NAA35: variants seen among roughly 807,000 people sequenced by gnomAD.
The protein encoded by NAA35 is N-alpha-acetyltransferase 35, NatC auxiliary subunit, also known as MAK10 homolog, amino-acid N-acetyltransferase subunit.
In NAA35, 18 loss-of-function variants were observed where a neutral mutation model predicts 101.7. The observed-to-expected ratio is 0.18, with a 90% CI of 0.12 to 0.26. The LOEUF (loss-of-function observed/expected upper bound fraction) is 0.26. NAA35 is among the 10% of genes least tolerant of loss of function. The pLI is 1.00. For synonymous variants in NAA35, 267 were observed against 273.1 expected (o/e 0.98, Z 0.22); for missense variants, 601 against 886.8 (o/e 0.68, Z 4.09).
chr9:86,010,008 T>G (rs938627097), intron 15 of NAA35, 77 bp downstream of exon 15: 2 of 1,177,904 alleles, frequency 1.7e-6, no homozygotes, highest in Admixed American at 3.4e-5. Context: ...TGGCTCACTT[T>G]GGGAGGCTGA....
At chr9:85,986,398 G>A (rs1435487043) in intron 11 of NAA35, 5 of 469,702 alleles carry the variant, frequency 1.1e-5, no homozygotes, top group Non-Finnish European at 1.8e-5. Context: ...GTGTGTGCAG[G>A]CATGTAATTT....
At chr9:86,011,005 G>A (rs978944999) in intron 15 of NAA35, among the ~76,000 whole-genome samples, 31 of 151,768 alleles carry the variant, frequency 2.0e-4, no homozygotes, top group African/African-American at 7.2e-4. Flanking sequence ...CAGTTTGGGA[G>A]GCTGAGGCAG....
At chr9:85,992,218 A>G (rs1366271777) in intron 11 of NAA35, among the ~76,000 whole-genome samples, 2 of 151,918 alleles carry the variant, frequency 1.3e-5, no homozygotes, top group African/African-American at 4.8e-5. Context: ...AATAATAGGA[A>G]CATATCAGTT....
Position 85,941,282 on chromosome 9 carries a change from C to A in NAA35, c.-6+9C>A. On this transcript the variant is annotated intron_variant, in intron 1 of 22. Coordinates refer to ENST00000361671, the MANE Select transcript of NAA35 (RefSeq NM_024635.4). ...GACCACGGGAGAAGTAGGTAGGGAC[C>A]GCCCCTGCGTAGCCATTGAAACCCT... The A allele has an allele frequency of 4.1e-6, 4 of 985,654 alleles. No homozygotes were observed. Among genetic ancestry groups the A allele is most frequent in the Non-Finnish European group, 4.8e-6 (4 of 830,110 alleles). The allele number at this position is 985,654 out of a possible 1,614,324, so 61.1% of individuals were successfully genotyped here. A position where few individuals can be genotyped will look rare whatever the true frequency, so the allele number is the denominator to read the frequency against.
intron 13 of NAA35, 30 bp from the exon 14 acceptor site, chr9:86,007,328 C>T (rs1831688897): frequency 2.0e-6 from 3 of 1,473,118 alleles, no homozygotes; most frequent in Non-Finnish European, 2.8e-6. Flanking sequence ...GTGCGTGACA[C>T]CGTAACTAAT....
rs748377451 is a variant in NAA35 at position 86,018,365 on chromosome 9, C to G, written c.1884C>G (p.Thr628=). 3 of 1,613,362 alleles carry G rather than the reference C, an allele frequency of 1.9e-6. No individual in the cohort carries two copies. The African/African-American group carries it at 4.0e-5, about 22-fold the overall frequency. Residue 628 remains threonine, a synonymous_variant, in exon 20 of 23, where the codon ACC becomes ACG. Coordinates refer to ENST00000361671, the MANE Select transcript of NAA35 (RefSeq NM_024635.4). ...HRFAPFNSVM[T]PPPVHYLQFK... ...TTGCTCCATTCAACAGTGTGATGACCCCGCCGCCAGTGCACTACTTACAGT... is the reference window on the plus strand; with the variant it reads ...TTGCTCCATTCAACAGTGTGATGACGCCGCCGCCAGTGCACTACTTACAGT...
At chr9:85,982,177 G>A (rs1254332443) in intron 11 of NAA35, among the ~76,000 whole-genome samples, 1 of 152,132 alleles carries the variant, frequency 6.6e-6, no homozygotes, top group East Asian at 1.9e-4. Flanking sequence ...GTGGTTACAT[G>A]GAGCACTGTA....
chr9:86,011,816 CACAA>C (rs578048554), intron 15 of NAA35, among the ~76,000 whole-genome samples: 156 of 144,748 alleles, frequency 1.1e-3, no homozygotes, highest in African/African-American at 3.6e-3. Flanking sequence ...ATATGTACAT[CACAA>C]ACACTCAGGT....
chr9:85,976,828 T>C (rs1830231114), intron 9 of NAA35, 93 bp downstream of exon 9: 7 of 909,414 alleles, frequency 7.7e-6, no homozygotes, highest in Non-Finnish European at 1.2e-5. Flanking sequence ...ATGGAAGCCC[T>C]TTTTAAGGTA....
intron 2 of NAA35, among the ~76,000 whole-genome samples, chr9:85,946,842 G>A (rs953945997): frequency 6.6e-6 from 1 of 152,048 alleles, no homozygotes; most frequent in Admixed American, 6.5e-5. Context: ...ATTGGTTAAG[G>A]CCTTCCATAT....
intron 11 of NAA35, among the ~76,000 whole-genome samples, chr9:85,982,760 C>A (rs1270278022): frequency 6.6e-6 from 1 of 151,992 alleles, no homozygotes; most frequent in East Asian, 1.9e-4. Context: ...TTCTGAAATT[C>A]CAAACAAGCA....
chr9:85,973,381 G>A (rs1405380290), intron 6 of NAA35, among the ~76,000 whole-genome samples: 1 of 152,172 alleles, frequency 6.6e-6, no homozygotes, highest in Non-Finnish European at 1.5e-5. Context: ...ATAAATTATA[G>A]CAGGGACTAG....
intron 5 of NAA35, among the ~76,000 whole-genome samples, chr9:85,961,279 G>A (rs1467958823): frequency 6.6e-6 from 1 of 152,078 alleles, no homozygotes; most frequent in Non-Finnish European, 1.5e-5. Context: ...TGGGCTTAAG[G>A]TAAAAATAAC....
At chr9:85,975,208 A>C (rs568390154) in intron 8 of NAA35, 51 bp downstream of exon 8, 2 of 1,561,250 alleles carry the variant, frequency 1.3e-6, no homozygotes, top group Non-Finnish European at 1.7e-6. Flanking sequence ...TCTAAATGTC[A>C]GTTTAACTTT....
chr9:85,959,917 T>C (rs1829439244), intron 5 of NAA35, 50 bp downstream of exon 5: 1 of 1,338,484 alleles, frequency 7.5e-7, no homozygotes, highest in Non-Finnish European at 1.1e-6. Context: ...GTGACTTACC[T>C]GAATCTTGTG....
chr9:86,018,170 G>A, intron 19 of NAA35, 85 bp from the exon 20 acceptor site: 1 of 1,256,568 alleles, frequency 8.0e-7, no homozygotes, highest in Non-Finnish European at 1.1e-6. Flanking sequence ...TTAAATAGCT[G>A]TTTCTTGTCT....
At chr9:85,954,065 TG>T in intron 2 of NAA35, among the ~76,000 whole-genome samples, 1 of 152,274 alleles carries the variant, frequency 6.6e-6, no homozygotes, top group African/African-American at 2.4e-5. Context: ...CTGGATCATA[TG>T]GTAATTCTGT....
intron 17 of NAA35, 131 bp downstream of exon 17, chr9:86,014,028 GA>G: frequency 9.2e-6 from 6 of 651,564 alleles, no homozygotes; most frequent in Non-Finnish European, 1.4e-5. Context: ...GGAAAAATTT[GA>G]AAATTAGAGC....
rs982580675 is a variant in NAA35 at position 85,976,667 on chromosome 9, C to T, written c.628-18C>T. The T allele has an allele frequency of 1.3e-6, 2 of 1,559,448 alleles. No homozygotes were observed. Among genetic ancestry groups the T allele is most frequent in the Non-Finnish European group, 1.7e-6 (2 of 1,154,104 alleles). On this transcript the variant is annotated intron_variant, in intron 8 of 22. Transcript: ENST00000361671. ...TTTTTTCAGGTTTGTGTTTAATTCACCTTTTTTAAAATTTTAGAGTACTCG... is the reference window on the plus strand; with the variant it reads ...TTTTTTCAGGTTTGTGTTTAATTCATCTTTTTTAAAATTTTAGAGTACTCG...
Sources: allele counts gnomAD v4.1 joint callset (sites outside exome capture counted in the v4.1 genomes callset), GRCh38; gene constraint gnomAD v4.1.1; transcripts MANE v1.5; gene names NCBI Gene and HGNC (gene_info 2026-07-23, HGNC 2026-07-21).